Variants in PCDHGB1 observed in about 807,000 individuals in gnomAD.
PCDHGB1 encodes protocadherin gamma-B1.
In PCDHGB1, 34 loss-of-function variants were observed where a neutral mutation model predicts 56.6. The observed-to-expected ratio is 0.60, with a 90% confidence interval of 0.46 to 0.80. The LOEUF is 0.80. Among genes scored for constraint, PCDHGB1 ranks in the 30% least tolerant of loss-of-function variants. The pLI, the probability that PCDHGB1 is intolerant of heterozygous loss-of-function variation, is 0.00. For missense variants in PCDHGB1, 1,278 were observed against 1,204.6 expected (o/e 1.06, Z -0.90); for synonymous variants, 561 against 505.9 (o/e 1.11, Z -1.46).
chr5:141,394,633 G>A (rs1026935408), intron 1 of PCDHGB1: 57 of 1,613,274 alleles, frequency 3.5e-5, no homozygotes, highest in Middle Eastern at 1.7e-4. Flanking sequence ...CTGTCCTACC[G>A]CCTGCTCAAG....
chr5:141,492,224 T>C (rs2099738444), intron 1 of PCDHGB1, among the ~76,000 whole-genome samples: 1 of 152,134 alleles, frequency 6.6e-6, no homozygotes, highest in South Asian at 2.1e-4. Flanking sequence ...CTCATGCGTG[T>C]CCTCCCTGCT....
At chr5:141,412,133 C>T (rs2095537829) in intron 1 of PCDHGB1, 1 of 152,184 alleles carries the variant, frequency 6.6e-6, no homozygotes, top group African/African-American at 2.4e-5. Flanking sequence ...GGACTTTGGC[C>T]TCTGATACAA....
chr5:141,408,337 G>T (rs1191967573), intron 1 of PCDHGB1: 3 of 1,613,954 alleles, frequency 1.9e-6, no homozygotes, highest in Non-Finnish European at 2.5e-6. Context: ...CCAAGGGCTC[G>T]GTGGTGGGGA....
At chr5:141,405,186 G>T (rs762537440) in intron 1 of PCDHGB1, 2 of 1,612,892 alleles carry the variant, frequency 1.2e-6, no homozygotes, top group Non-Finnish European at 1.7e-6. Context: ...GGTGTAGATG[G>T]GGTTCGAGCT....
Position 141,431,351 on chromosome 5 carries a change from C to T in PCDHGB1, c.2410-63456C>T, listed in dbSNP as rs1411192998. On this transcript the variant is annotated intron_variant, in intron 1 of 3. Coordinates refer to ENST00000523390, the MANE Select transcript of PCDHGB1 (RefSeq NM_018922.3). The surrounding 1 kb of genome is among the most constrained non-coding windows in gnomAD (Gnocchi z 4.8). ...TAAGTACCCCGAATTGGTGCTGAAACGCGCCCTGGACCGCGAAGAAAAGGC... is the reference window on the plus strand; with the variant it reads ...TAAGTACCCCGAATTGGTGCTGAAATGCGCCCTGGACCGCGAAGAAAAGGC... The T allele has an allele frequency of 1.9e-6, 3 of 1,613,946 alleles. No homozygotes were observed. Among genetic ancestry groups the T allele is most frequent in the African/African-American group, 2.7e-5 (2 of 74,938 alleles).
chr5:141,361,562 C>A (rs1348479180), intron 1 of PCDHGB1: 3 of 1,614,074 alleles, frequency 1.9e-6, no homozygotes, highest in East Asian at 2.2e-5. Flanking sequence ...CAAATCAGTG[C>A]CTCTGACCCT....
intron 1 of PCDHGB1, chr5:141,441,799 G>C (rs546770596): frequency 2.6e-6 from 1 of 385,350 alleles, no homozygotes; most frequent in Non-Finnish European, 5.2e-6. Context: ...AACGCACCGC[G>C]GGTGCTGTAC....
rs776330769 is a variant in PCDHGB1 at position 141,413,206 on chromosome 5, T to G, written c.2409+60537T>G. The stretch of plus-strand genomic sequence containing the variant: ...CGCTCAAAGGAATCGCTCAAAGGAA[T>G]CAAAGGATTGCAGCGGGCTGGTCCT... On this transcript the variant is annotated intron_variant, in intron 1 of 3. Transcript: ENST00000523390. 4.3e-6 allele frequency: 7 copies of G among 1,612,936 alleles called. 1 individual carries two copies. In the South Asian group the frequency reaches 7.7e-5, roughly 18 times the overall value.
chr5:141,394,171 C>T (rs115102808), intron 1 of PCDHGB1: 17,700 of 1,613,924 alleles, frequency 0.011, 141 homozygotes, highest in Non-Finnish European at 0.013. Flanking sequence ...CCTACTTTCC[C>T]TCATGCCTCC....
At chr5:141,371,369 A>C (rs1370186119) in intron 1 of PCDHGB1, 3 of 1,614,014 alleles carry the variant, frequency 1.9e-6, no homozygotes, top group Non-Finnish European at 2.5e-6. Context: ...AGGATGGTGG[A>C]CATCACACTG....
chr5:141,423,864 G>T, intron 1 of PCDHGB1: 4 of 1,284,224 alleles, frequency 3.1e-6, no homozygotes, highest in Non-Finnish European at 3.9e-6. Flanking sequence ...TTTTGTGAAA[G>T]TCATTTTTCA....
chr5:141,464,290 A>AC (rs1287070540), intron 1 of PCDHGB1, among the ~76,000 whole-genome samples: 1 of 149,916 alleles, frequency 6.7e-6, no homozygotes, highest in Non-Finnish European at 1.5e-5. Context: ...AAAAAAAAAA[A>AC]CTCCATTGTA....
At chr5:141,451,091 G>A (rs2098706622) in intron 1 of PCDHGB1, among the ~76,000 whole-genome samples, 1 of 151,962 alleles carries the variant, frequency 6.6e-6, no homozygotes, top group South Asian at 2.1e-4. Context: ...ACCTCCCAAA[G>A]TGTTGGGATT....
Position 141,487,562 on chromosome 5 carries a change from G to C in PCDHGB1, c.2410-7245G>C. The stretch of plus-strand genomic sequence containing the variant: ...GAAGTCACCCAGTGCACCTATGGCA[G>C]GGGAGCCTGTTCGCCCAAGCTGCCC... On this transcript the variant is annotated intron_variant, in intron 1 of 3. Coordinates refer to ENST00000523390, the MANE Select transcript of PCDHGB1 (RefSeq NM_018922.3). The surrounding 1 kb of genome is among the most constrained non-coding windows in gnomAD (Gnocchi z 5.0). The C allele has an allele frequency of 6.2e-7, 1 of 1,614,178 alleles. No homozygotes were observed.
chr5:141,448,974 C>T (rs937711828), intron 1 of PCDHGB1, among the ~76,000 whole-genome samples: 5 of 151,994 alleles, frequency 3.3e-5, no homozygotes, highest in African/African-American at 1.2e-4. Context: ...CAAAAAAGAA[C>T]TTCCATATTA....
intron 2 of PCDHGB1, among the ~76,000 whole-genome samples, chr5:141,500,254 G>A (rs1260325865): frequency 1.3e-5 from 2 of 150,426 alleles, no homozygotes; most frequent in Non-Finnish European, 3.0e-5. Context: ...TGTCACCCAG[G>A]CTGGACTGCA....
chr5:141,421,833 C>T (rs1364245594), intron 1 of PCDHGB1: 6 of 1,613,756 alleles, frequency 3.7e-6, no homozygotes, highest in Non-Finnish European at 4.2e-6. Flanking sequence ...GAAGCCTGGA[C>T]CGAGAGAAAG....
chr5:141,383,876 G>T (rs747987128), intron 1 of PCDHGB1: 1 of 1,613,978 alleles, frequency 6.2e-7, no homozygotes, highest in South Asian at 1.1e-5. Flanking sequence ...GATGGTCCTG[G>T]TAGTCTGACA....
chr5:141,491,496 C>T lies in PCDHGB1; in HGVS notation c.2410-3311C>T, dbSNP rs372523924. ...AGTCCAGCCCCAACCTGCAGGTGAG[C>T]TCGGACGGCACGCTCAAGTACATGG... On this transcript the variant is annotated intron_variant, in intron 1 of 3. Transcript: ENST00000523390. This position sits in a 1 kb window ranked among gnomAD's most constrained non-coding sequence, Gnocchi z 6.9. 2.9e-5 allele frequency: 47 copies of T among 1,614,004 alleles called. No individual in the cohort carries two copies. Among genetic ancestry groups the T allele is most frequent in the Non-Finnish European group, 3.7e-5 (44 of 1,180,026 alleles).
Sources: gnomAD v4.1 joint callset for allele counts (sites outside exome capture counted in the v4.1 genomes callset) on GRCh38, gnomAD v4.1.1 for gene constraint, Gnocchi (gnomAD v3.1) non-coding constraint, MANE v1.5 for transcripts, NCBI Gene and HGNC (gene_info 2026-07-23, HGNC 2026-07-21) for gene names.